The following NHEJ1 variants were observed in gnomAD, a reference collection of about 807,000 sequenced individuals.
NHEJ1 encodes the protein non-homologous end-joining factor 1.
A neutral mutation model predicts 39.4 loss-of-function variants in NHEJ1; 22 were observed. The observed-to-expected ratio is 0.56, with a 90% CI of 0.40 to 0.80. The LOEUF is 0.80. Among genes scored for constraint, NHEJ1 ranks in the 30% least tolerant of loss-of-function variants. The probability of loss-of-function intolerance (pLI) is 0.00; values close to 1 mark genes in which losing one functional copy is unlikely to be tolerated. For missense variants in NHEJ1, 329 were observed against 357.1 expected (o/e 0.92, Z 0.63); for synonymous variants, 154 against 135.6 (o/e 1.14, Z -0.94).
At chr2:219,095,598 A>G (rs1949200501) in intron 5 of NHEJ1, among the ~76,000 whole-genome samples, 1 of 152,148 alleles carries the variant, frequency 6.6e-6, no homozygotes, top group Admixed American at 6.5e-5. Context: ...TACCACAGGG[A>G]TGAGAGCTCA....
At chr2:219,115,238 T>C (rs1474255094) in intron 5 of NHEJ1, among the ~76,000 whole-genome samples, 3 of 152,004 alleles carry the variant, frequency 2.0e-5, no homozygotes, top group African/African-American at 7.3e-5. Context: ...TTTCCACCAG[T>C]GGAACTAAAA....
intron 5 of NHEJ1, among the ~76,000 whole-genome samples, chr2:219,117,527 G>A (rs1949426759): frequency 6.6e-6 from 1 of 152,178 alleles, no homozygotes; most frequent in African/African-American, 2.4e-5. Context: ...CCAGAATGTT[G>A]GGGAAACGCA....
At position 219,147,672 on chromosome 2, in the gene NHEJ1, C is replaced by A; in HGVS notation, c.514G>T (p.Ala172Ser). 6.2e-7 allele frequency: 1 copy of A among 1,614,192 alleles called. No homozygotes were observed. Among genetic ancestry groups the A allele is most frequent in the Non-Finnish European group, 8.5e-7 (1 of 1,180,024 alleles). The change falls in exon 4 of 8, where the codon GCT becomes TCT. Residue 172 changes from alanine (A) to serine (S), a missense_variant. Ala to Ser is a moderately conservative substitution (Grantham distance 99). Coordinates refer to ENST00000356853, the MANE Select transcript of NHEJ1 (RefSeq NM_024782.3). ...LEIQDYQESG[A>S]TLIRDRLKTE... The stretch of plus-strand genomic sequence containing the variant: ...GTCCTCTTACCTCGAATCAGCGTAG[C>A]CCCACTCTCCTGGTAGTCTTGGATC...
intron 5 of NHEJ1, among the ~76,000 whole-genome samples, chr2:219,105,047 T>C (rs1221244851): frequency 2.0e-5 from 3 of 152,174 alleles, no homozygotes; most frequent in Non-Finnish European, 2.9e-5. Flanking sequence ...CTGATTATAG[T>C]TGAGTGCTGT....
chr2:219,159,578 T>TGC (rs749117353), intron 1 of NHEJ1, among the ~76,000 whole-genome samples: 2,798 of 56,178 alleles, frequency 0.05, 293 homozygotes, highest in Non-Finnish European at 0.066. Flanking sequence ...TATATATGCA[T>TGC]ATATATATGC....
intron 5 of NHEJ1, among the ~76,000 whole-genome samples, chr2:219,115,494 A>T (rs138894558): frequency 1.3e-5 from 2 of 152,192 alleles, no homozygotes; most frequent in Non-Finnish European, 2.9e-5. Flanking sequence ...GCAAGTCAAG[A>T]GCCTGAGCAA....
chr2:219,080,079 T>C (rs1396866765), intron 5 of NHEJ1, among the ~76,000 whole-genome samples: 1 of 152,198 alleles, frequency 6.6e-6, no homozygotes, highest in Non-Finnish European at 1.5e-5. Context: ...GTGCTAGAAA[T>C]GCTGCACCTG....
intron 5 of NHEJ1, among the ~76,000 whole-genome samples, chr2:219,085,863 C>A (rs1949106998): frequency 6.6e-6 from 1 of 152,062 alleles, no homozygotes; most frequent in African/African-American, 2.4e-5. Flanking sequence ...ATTTTGCTGC[C>A]TCTCTCTCAC....
At chr2:219,096,387 C>G (rs73991035) in intron 5 of NHEJ1, among the ~76,000 whole-genome samples, 6,653 of 152,238 alleles carry the variant, frequency 0.044, 505 homozygotes, top group African/African-American at 0.15. Flanking sequence ...ATTAATTCAA[C>G]AGGTATTTAT....
intron 5 of NHEJ1, among the ~76,000 whole-genome samples, chr2:219,097,065 C>G (rs1365408011): frequency 6.6e-6 from 1 of 152,092 alleles, no homozygotes; most frequent in African/African-American, 2.4e-5. Context: ...CAGGGATATT[C>G]AACATTTCAT....
intron 5 of NHEJ1, among the ~76,000 whole-genome samples, chr2:219,099,528 G>A (rs1481868549): frequency 6.6e-6 from 1 of 152,178 alleles, no homozygotes; most frequent in Non-Finnish European, 1.5e-5. Context: ...CTCAAGAAAT[G>A]AGTAGGAATT....
At chr2:219,096,064 G>C (rs1396335136) in intron 5 of NHEJ1, among the ~76,000 whole-genome samples, 2 of 152,224 alleles carry the variant, frequency 1.3e-5, no homozygotes, top group East Asian at 3.8e-4. Flanking sequence ...GCCACTTGGA[G>C]AAAGGATACA....
chr2:219,109,143 T>TAC (rs1454534847), intron 5 of NHEJ1, among the ~76,000 whole-genome samples: 1 of 152,196 alleles, frequency 6.6e-6, no homozygotes, highest in Non-Finnish European at 1.5e-5. Context: ...CCCAACCCTC[T>TAC]ACATCCTTGA....
chr2:219,135,912 T>C (rs1188606160), intron 5 of NHEJ1, among the ~76,000 whole-genome samples: 2 of 152,138 alleles, frequency 1.3e-5, no homozygotes, highest in Non-Finnish European at 2.9e-5. Flanking sequence ...TTTGGCAGAG[T>C]TGGTAACTTC....
intron 1 of NHEJ1, 110 bp downstream of exon 1, chr2:219,160,610 A>G (rs776111416): frequency 1.5e-5 from 2 of 137,866 alleles, no homozygotes; most frequent in Non-Finnish European, 3.1e-5. Flanking sequence ...GGACCCCGGC[A>G]GCGCGCGCTC....
chr2:219,147,539 A>G, intron 4 of NHEJ1, 118 bp downstream of exon 4: 1 of 1,243,964 alleles, frequency 8.0e-7, no homozygotes, highest in Non-Finnish European at 1.2e-6. Context: ...TCTGGTTAGT[A>G]TTCAGCACCC....
chr2:219,146,767 A>G (rs1300845336), intron 4 of NHEJ1, 29 bp from the exon 5 acceptor site: 1 of 1,534,200 alleles, frequency 6.5e-7, no homozygotes, highest in South Asian at 1.1e-5. Context: ...GAAAAAAGAA[A>G]TATGAGTCAT....
chr2:219,158,604 A>T (rs1949880842), intron 1 of NHEJ1, among the ~76,000 whole-genome samples: 1 of 152,060 alleles, frequency 6.6e-6, no homozygotes, highest in Non-Finnish European at 1.5e-5. Context: ...TTCCTAGAGG[A>T]CAGAAAATCT....
At chr2:219,082,642 A>G (rs1003101690) in intron 5 of NHEJ1, among the ~76,000 whole-genome samples, 1 of 152,242 alleles carries the variant, frequency 6.6e-6, no homozygotes, top group Non-Finnish European at 1.5e-5. Flanking sequence ...AGAAAAAGGG[A>G]AAATGAGCTA....
Sources: allele counts gnomAD v4.1 joint callset (sites outside exome capture counted in the v4.1 genomes callset), GRCh38; gene constraint gnomAD v4.1.1; transcripts MANE v1.5; gene names NCBI Gene and HGNC (gene_info 2026-07-23, HGNC 2026-07-21).